The following TNIK variants were observed in gnomAD, a reference collection of about 807,000 sequenced individuals.
TNIK encodes TRAF2 and NCK interacting kinase, also known as TRAF2 and NCK-interacting protein kinase.
A neutral mutation model predicts 191.3 loss-of-function variants in TNIK; 49 were observed. The observed-to-expected ratio is 0.26, with a 90% CI of 0.20 to 0.32. The LOEUF (loss-of-function observed/expected upper bound fraction) is 0.32. TNIK is among the 10% of genes least tolerant of loss of function. TNIK has a pLI of 1.00. For missense variants in TNIK, 1,155 were observed against 1,702.3 expected (o/e 0.68, Z 5.66); for synonymous variants, 594 against 600.9 (o/e 0.99, Z 0.17).
intron 12 of TNIK, among the ~76,000 whole-genome samples, chr3:171,141,128 A>G (rs1427060589): frequency 6.6e-6 from 1 of 152,158 alleles, no homozygotes; most frequent in Non-Finnish European, 1.5e-5. Flanking sequence ...CTTGGGAGCC[A>G]TCATCATCAT....
At chr3:171,345,678 G>C (rs1167264896) in intron 2 of TNIK, among the ~76,000 whole-genome samples, 1 of 152,082 alleles carries the variant, frequency 6.6e-6, no homozygotes, top group Non-Finnish European at 1.5e-5. Flanking sequence ...CTCAGTTTTT[G>C]GTGAAGGGCA....
At chr3:171,410,498 G>A (rs1177879867) in intron 1 of TNIK, among the ~76,000 whole-genome samples, 2 of 152,124 alleles carry the variant, frequency 1.3e-5, no homozygotes, top group African/African-American at 4.8e-5. Flanking sequence ...ACTTTGCCTG[G>A]GCTGGGCGCA....
rs893405997 is a variant in TNIK at position 171,460,309 on chromosome 3, C to G, written c.-246G>C. 3 of 579,094 alleles carry G rather than the reference C, an allele frequency of 5.2e-6. No individual in the cohort carries two copies. Among genetic ancestry groups the G allele is most frequent in the Non-Finnish European group, 9.2e-6 (3 of 327,832 alleles). 35.9% of individuals were successfully genotyped at this position (579,094 alleles called of 1,614,324 possible). ...CGAGCAGCGGTGCGTGTGGGCTGAG[C>G]GCCCCGATCGGCTAAGGGCGCTGGG... On this transcript the variant is annotated 5_prime_UTR_variant, in exon 1 of 33. Transcript: ENST00000436636. This position sits in a 1 kb window ranked among gnomAD's most constrained non-coding sequence, Gnocchi z 6.8.
At chr3:171,426,798 T>C (rs1289714955) in intron 1 of TNIK, among the ~76,000 whole-genome samples, 1 of 152,044 alleles carries the variant, frequency 6.6e-6, no homozygotes, top group African/African-American at 2.4e-5. Context: ...AGTCCAGCCT[T>C]AGGCAAAGGT....
At chr3:171,199,614 C>T (rs1045847407) in intron 4 of TNIK, among the ~76,000 whole-genome samples, 2 of 152,210 alleles carry the variant, frequency 1.3e-5, no homozygotes, top group South Asian at 2.1e-4. Context: ...CCATAGTCTA[C>T]ACTCATTAAG....
chr3:171,274,014 T>A (rs1211942392), intron 2 of TNIK, among the ~76,000 whole-genome samples: 2 of 152,070 alleles, frequency 1.3e-5, no homozygotes, highest in Non-Finnish European at 2.9e-5. Context: ...AATATAGACA[T>A]ATATCCACAA....
chr3:171,328,059 A>G (rs1560433938), intron 2 of TNIK, among the ~76,000 whole-genome samples: 1 of 152,176 alleles, frequency 6.6e-6, no homozygotes, highest in Non-Finnish European at 1.5e-5. Flanking sequence ...TCTGCACCCC[A>G]AAATTCTTAC....
chr3:171,434,267 T>C lies in TNIK; in HGVS notation c.57+25740A>G, dbSNP rs536871814. On this transcript the variant is annotated intron_variant, in intron 1 of 32. Coordinates refer to ENST00000436636, the MANE Select transcript of TNIK (RefSeq NM_015028.4). ...ATCTTTTTTCAAATATATTTTGTAA[T>C]TGATTGTTTTTCTTGGCTCACAAAA... Among the ~76,000 whole-genome samples, 39 of 152,112 alleles carry C rather than the reference T, an allele frequency of 2.6e-4. 1 individual carries two copies. In the South Asian group the frequency reaches 8.1e-3, roughly 32 times the overall value.
chr3:171,087,540 A>G (rs769099101), intron 23 of TNIK, 34 bp from the exon 24 acceptor site: 33 of 1,604,824 alleles, frequency 2.1e-5, no homozygotes, highest in Non-Finnish European at 2.7e-5. Context: ...GGAGTTAGAG[A>G]GGGGGGAAAA....
intron 2 of TNIK, among the ~76,000 whole-genome samples, chr3:171,324,926 G>A (rs1473857025): frequency 1.3e-5 from 2 of 151,286 alleles, no homozygotes; most frequent in Non-Finnish European, 2.9e-5. Flanking sequence ...GTGAAACCCC[G>A]TCTCTACTAA....
Position 171,085,254 on chromosome 3 carries a change from G to A in TNIK, c.2887-25C>T, listed in dbSNP as rs747982140. ...ACTAATCAATAAGCAAGAAGATTAA[G>A]AAGAGCAGATAAATACTGCAGGAAT... On this transcript the variant is annotated intron_variant, in intron 24 of 32. Transcript: ENST00000436636. The A allele has an allele frequency of 3.2e-6, 5 of 1,576,350 alleles. 1 individual carries two copies. The South Asian group carries it at 5.8e-5, about 18-fold the overall frequency.
chr3:171,147,276 G>C (rs1030892249), intron 12 of TNIK, among the ~76,000 whole-genome samples: 7 of 152,146 alleles, frequency 4.6e-5, no homozygotes, highest in African/African-American at 1.7e-4. Flanking sequence ...GGGGCTCTCT[G>C]TTCAAAGACA....
chr3:171,243,214 A>G (rs1031496172), intron 2 of TNIK, among the ~76,000 whole-genome samples: 1 of 152,128 alleles, frequency 6.6e-6, no homozygotes, highest in Non-Finnish European at 1.5e-5. Context: ...AACCTTGACA[A>G]CTCCTGCCCA....
intron 2 of TNIK, among the ~76,000 whole-genome samples, chr3:171,315,319 T>C (rs1433105437): frequency 6.6e-6 from 1 of 152,180 alleles, no homozygotes; most frequent in East Asian, 1.9e-4. Flanking sequence ...CATTTTTTCC[T>C]GTTAATAGAC....
intron 2 of TNIK, among the ~76,000 whole-genome samples, chr3:171,316,973 G>GATATATATCATATAAAATATATAATT (rs1754692465): frequency 1.3e-5 from 1 of 74,500 alleles, no homozygotes; most frequent in Admixed American, 1.5e-4. Flanking sequence ...ATAATTATAT[G>GATATATATCATATAAAATATATAATT]ATATATATCA....
chr3:171,235,725 ATGTTTT>A (rs767637115), intron 2 of TNIK, among the ~76,000 whole-genome samples: 28 of 148,814 alleles, frequency 1.9e-4, no homozygotes, highest in Non-Finnish European at 3.7e-4. Flanking sequence ...TAACAACCAT[ATGTTTT>A]TGTTGTTGTT....
At chr3:171,404,227 G>A (rs1187131035) in intron 1 of TNIK, among the ~76,000 whole-genome samples, 3 of 152,234 alleles carry the variant, frequency 2.0e-5, no homozygotes, top group South Asian at 4.1e-4. Context: ...GCGTTTTGAG[G>A]AGTAAGGATC....
At chr3:171,342,435 C>T (rs984730881) in intron 2 of TNIK, among the ~76,000 whole-genome samples, 2 of 152,156 alleles carry the variant, frequency 1.3e-5, no homozygotes, top group African/African-American at 2.4e-5. Context: ...AAAGGCTTTG[C>T]TTGTTGCAAT....
At chr3:171,360,144 C>CTTT (rs888198655) in intron 2 of TNIK, among the ~76,000 whole-genome samples, 2 of 152,192 alleles carry the variant, frequency 1.3e-5, no homozygotes, top group African/African-American at 4.8e-5. Context: ...ATCTCATCCT[C>CTTT]TTTTCATCAC....
Sources: gnomAD v4.1 joint callset for allele counts (sites outside exome capture counted in the v4.1 genomes callset) on GRCh38, gnomAD v4.1.1 for gene constraint, Gnocchi (gnomAD v3.1) non-coding constraint, MANE v1.5 for transcripts, NCBI Gene and HGNC (gene_info 2026-07-23, HGNC 2026-07-21) for gene names.